Variants in LSP1 observed in about 807,000 individuals in gnomAD.
The protein encoded by LSP1 is lymphocyte specific protein 1, also known as lymphocyte-specific protein 1.
A neutral mutation model predicts 49.3 loss-of-function variants in LSP1; 32 were observed. The ratio of observed to expected loss-of-function variants is 0.65; its 90% CI spans 0.49 to 0.87. The LOEUF (loss-of-function observed/expected upper bound fraction) is 0.87. Ranked by LOEUF, LSP1 falls within the 40% of genes least tolerant of loss-of-function variation. The pLI, the probability that LSP1 is intolerant of heterozygous loss-of-function variation, is 0.00. For synonymous variants in LSP1, 179 were observed against 178.8 expected, an observed-to-expected ratio of 1.00 and a Z score of -0.01; for missense variants, 428 against 442.6, an observed-to-expected ratio of 0.97 and a Z score of 0.30.
At chr11:1,870,949 G>C (rs1319348031) in intron 1 of LSP1, 2 of 985,796 alleles carry the variant, frequency 2.0e-6, no homozygotes, top group Non-Finnish European at 2.4e-6. Context: ...AAGGCGGGAG[G>C]CGCAGCCGGG....
chr11:1,883,877 G>A, intron 4 of LSP1, 55 bp from the exon 5 acceptor site: 2 of 1,491,364 alleles, frequency 1.3e-6, no homozygotes, highest in Non-Finnish European at 9.1e-7. Flanking sequence ...TGCTGGGCAG[G>A]GCAGGAGGGG....
chr11:1,868,001 C>A (rs1008059407), intron 1 of LSP1, among the ~76,000 whole-genome samples: 1 of 152,212 alleles, frequency 6.6e-6, no homozygotes, highest in Non-Finnish European at 1.5e-5. Flanking sequence ...CAATGCCTCC[C>A]TGCCAAGTCT....
In LSP1 at chr11:1,881,081, C is replaced by T. The variant is rs552313406; in HGVS notation, c.192-351C>T. ...TGTCCTCAGGGAGCCCTACACTGATCGAAGAGGCACAGCCTTACCCTCAGG... is the reference window on the plus strand; with the variant it reads ...TGTCCTCAGGGAGCCCTACACTGATTGAAGAGGCACAGCCTTACCCTCAGG... On this transcript the variant is annotated intron_variant, in intron 2 of 10. Coordinates refer to ENST00000311604, the MANE Select transcript of LSP1 (RefSeq NM_002339.3). The T allele has an allele frequency of 4.1e-5, 9 of 216,962 alleles. No homozygotes were observed. In the South Asian group the frequency reaches 5.8e-4, roughly 14 times the overall value. 13.4% of individuals were successfully genotyped at this position (216,962 alleles called of 1,614,324 possible).
rs1848652963 is a variant in LSP1, at chr11:1,883,968, T to C, written c.535T>C (p.Leu179=). The change falls in exon 5 of 11, where the codon TTG becomes CTG. Residue 179 remains leucine (L), a synonymous_variant. Transcript: ENST00000311604. ...TCAGCAGCCCAGGACACCCAGCCCC[T>C]TGGTCTTGGAGGGGACCATCGAACA... ...KCQQPRTPSP[L]VLEGTIEQSS... The C allele has an allele frequency of 2.5e-6, 4 of 1,609,890 alleles. No individual in the cohort carries two copies. The East Asian group carries it at 8.9e-5, about 36-fold the overall frequency.
intron 1 of LSP1, among the ~76,000 whole-genome samples, chr11:1,869,936 C>T (rs1169558193): frequency 6.6e-6 from 1 of 152,100 alleles, no homozygotes; most frequent in African/African-American, 2.4e-5. Flanking sequence ...CTTCCCCACA[C>T]CCGGTTCTTG....
chr11:1,866,184 C>T (rs932806680), intron 1 of LSP1, among the ~76,000 whole-genome samples: 5 of 152,222 alleles, frequency 3.3e-5, no homozygotes, highest in Non-Finnish European at 7.3e-5. Context: ...AACACCACCT[C>T]CTGCTTGAAG....
intron 7 of LSP1, 47 bp from the exon 8 acceptor site, chr11:1,886,685 C>T (rs373146892): frequency 7.2e-5 from 113 of 1,561,006 alleles, no homozygotes; most frequent in Admixed American, 2.9e-4. Context: ...GATGTGACCA[C>T]GGTGGCTGTC....
At chr11:1,876,445 G>A in intron 1 of LSP1, 2 of 985,592 alleles carry the variant, frequency 2.0e-6, no homozygotes, top group Non-Finnish European at 2.4e-6. Flanking sequence ...CCCTCCCCTC[G>A]ACATCCTCCC....
intron 1 of LSP1, among the ~76,000 whole-genome samples, chr11:1,877,271 C>T (rs1454032587): frequency 1.3e-5 from 2 of 152,138 alleles, no homozygotes; most frequent in African/African-American, 4.8e-5. Context: ...GGAGGGGGCC[C>T]GCATGACTCA....
At chr11:1,857,795 C>T (rs910624294) in intron 1 of LSP1, among the ~76,000 whole-genome samples, 4 of 152,196 alleles carry the variant, frequency 2.6e-5, no homozygotes, top group Admixed American at 6.5e-5. Flanking sequence ...CGCTCTGTTG[C>T]CCAGACTGTA....
At chr11:1,878,161 G>A (rs1232681659) in intron 1 of LSP1, among the ~76,000 whole-genome samples, 3 of 152,134 alleles carry the variant, frequency 2.0e-5, no homozygotes, top group African/African-American at 7.2e-5. Context: ...TGGGACATGG[G>A]AACACGGGGA....
At chr11:1,856,216 T>C (rs1391086809) in intron 1 of LSP1, among the ~76,000 whole-genome samples, 1 of 152,164 alleles carries the variant, frequency 6.6e-6, no homozygotes, top group African/African-American at 2.4e-5. Context: ...CTACCCCCAG[T>C]CTGTTCCCCA....
Position 1,884,144 on chromosome 11 carries a change from C to G in LSP1, c.591+120C>G, listed in dbSNP as rs1589830065. The stretch of plus-strand genomic sequence containing the variant: ...CAGGCCTGGCTTTTGTCTGCTATCC[C>G]CCCATTGCCCGGTGCTCAGCGAACC... On this transcript the variant is annotated intron_variant, in intron 5 of 10. Transcript: ENST00000311604. This position sits in a 1 kb window ranked among gnomAD's most constrained non-coding sequence, Gnocchi z 4.1. 2.1e-6 allele frequency: 3 copies of G among 1,421,576 alleles called. No individual in the cohort carries two copies. In the East Asian group the frequency reaches 6.9e-5, roughly 32 times the overall value. The allele number at this position is 1,421,576 out of a possible 1,614,324, so 88.1% of individuals were successfully genotyped here. A position where few individuals can be genotyped will look rare whatever the true frequency, so the allele number is the denominator to read the frequency against.
At chr11:1,890,949 G>A (rs779796572) in intron 10 of LSP1, 7 of 214,072 alleles carry the variant, frequency 3.3e-5, no homozygotes, top group South Asian at 1.1e-4. Flanking sequence ...GGTGGGAGAC[G>A]GAGACGCGGG....
Position 1,886,777 on chromosome 11 carries a change from C to A in LSP1, c.763C>A (p.Leu255Met), listed in dbSNP as rs141664313. 167 of 1,611,890 alleles carry A rather than the reference C, an allele frequency of 1.0e-4. No individual in the cohort carries two copies. In the African/African-American group the frequency reaches 2.0e-3, roughly 19 times the overall value. The change falls in exon 8 of 11, where the codon CTG (leucine) becomes ATG (methionine). Residue 255 changes from leucine to methionine, a missense_variant. Transcript: ENST00000311604. ...GCTAGCCCGCCAGGCCTCCATAGAGCTGCCCAGCATGGCTGTGGCCAGTAC... is the reference window on the plus strand; with the variant it reads ...GCTAGCCCGCCAGGCCTCCATAGAGATGCCCAGCATGGCTGTGGCCAGTAC... The part of the protein sequence containing the change: ...PKLARQASIE[L>M]PSMAVASTKS...
intron 8 of LSP1, 57 bp downstream of exon 8, chr11:1,886,923 T>C (rs1848777859): frequency 1.9e-6 from 3 of 1,579,372 alleles, no homozygotes; most frequent in South Asian, 1.1e-5. Flanking sequence ...GGGAGTTTAG[T>C]AGCAGGCCGG....
At chr11:1,890,984 C>T (rs1848976468) in intron 10 of LSP1, 1 of 180,274 alleles carries the variant, frequency 5.5e-6, no homozygotes, top group African/African-American at 2.3e-5. Context: ...CAGGCATGCC[C>T]CTGGCCAGCT....
chr11:1,880,021 A>G, intron 1 of LSP1, 66 bp from the exon 2 acceptor site: 1 of 1,572,844 alleles, frequency 6.4e-7, no homozygotes, highest in Non-Finnish European at 8.6e-7. Context: ...TGTAGATGGG[A>G]GGAATGGGTG....
At chr11:1,879,585 C>T (rs997116365) in intron 1 of LSP1, among the ~76,000 whole-genome samples, 2 of 152,214 alleles carry the variant, frequency 1.3e-5, no homozygotes, top group Non-Finnish European at 2.9e-5. Context: ...TTCTCCAACA[C>T]GCCCTGCCTT....
Sources: allele counts gnomAD v4.1 joint callset (sites outside exome capture counted in the v4.1 genomes callset), GRCh38; gene constraint gnomAD v4.1.1; non-coding constraint Gnocchi (gnomAD v3.1); transcripts MANE v1.5; gene names NCBI Gene and HGNC (gene_info 2026-07-23, HGNC 2026-07-21).